CPEB4: variants seen among roughly 807,000 people sequenced by gnomAD.
The protein encoded by CPEB4 is cytoplasmic polyadenylation element-binding protein 4.
A neutral mutation model predicts 72.5 loss-of-function variants in CPEB4; 12 were observed. That is an observed-to-expected ratio of 0.17 (90% CI 0.11 to 0.27). The LOEUF is 0.27. Among genes scored for constraint, CPEB4 ranks in the 10% least tolerant of loss-of-function variants. The pLI, the probability that CPEB4 is intolerant of heterozygous loss-of-function variation, is 1.00. For synonymous variants in CPEB4, 302 were observed against 326.3 expected (o/e 0.93, Z 0.80); for missense variants, 614 against 908.5 (o/e 0.68, Z 4.17).
chr5:173,914,871 C>T (rs548210476), intron 2 of CPEB4, among the ~76,000 whole-genome samples: 2 of 152,230 alleles, frequency 1.3e-5, no homozygotes, highest in Admixed American at 6.5e-5. Flanking sequence ...AATTCAAAGA[C>T]AACTTTAATA....
intron 2 of CPEB4, among the ~76,000 whole-genome samples, chr5:173,924,558 A>G (rs1757179029): frequency 6.6e-6 from 1 of 152,206 alleles, no homozygotes; most frequent in South Asian, 2.1e-4. Flanking sequence ...TTACTGGGGA[A>G]GGGAAAGGAA....
chr5:173,907,398 C>G (rs4867732), intron 1 of CPEB4, among the ~76,000 whole-genome samples: 13,872 of 152,262 alleles, frequency 0.091, 1,673 homozygotes, highest in East Asian at 0.52. Flanking sequence ...CAAAACCAGT[C>G]TATATTTTTT....
chr5:173,951,959 A>C, intron 8 of CPEB4, 21 bp downstream of exon 8: 1 of 1,447,426 alleles, frequency 6.9e-7, no homozygotes, highest in Non-Finnish European at 9.7e-7. Flanking sequence ...ACAAACGACA[A>C]ACTCTCTACC....
chr5:173,907,868 C>T (rs767071781), intron 1 of CPEB4, among the ~76,000 whole-genome samples: 16 of 152,188 alleles, frequency 1.1e-4, no homozygotes, highest in African/African-American at 2.7e-4. Context: ...ACTGACTTGG[C>T]GCACCATCAC....
chr5:173,961,655 C>A lies in CPEB4; in HGVS notation c.*5518C>A, dbSNP rs1758553992. ...CTTAACAATCAAGTCATTTCATAAC[C>A]CCTTTTGGTAATGGGTGTTTGTGTC... is the stretch of plus-strand genomic sequence containing the variant. On this transcript the variant is annotated 3_prime_UTR_variant, in exon 10 of 10. Transcript: ENST00000265085. The A allele has an allele frequency of 6.6e-6, 1 of 151,532 alleles. No individual in the cohort carries two copies. The highest frequency in any genetic ancestry group is 2.4e-5 in the African/African-American group (1 of 41,300). The allele number at this position is 151,532 out of a possible 1,614,324, so 9.4% of individuals were successfully genotyped here. A position where few individuals can be genotyped will look rare whatever the true frequency, so the allele number is the denominator to read the frequency against.
At position 173,955,132 on chromosome 5, in the gene CPEB4, A is replaced by T. The variant is rs1758337112; in HGVS notation, c.1963-778A>T. On this transcript the variant is annotated intron_variant, in intron 9 of 9. Coordinates refer to ENST00000265085, the MANE Select transcript of CPEB4 (RefSeq NM_030627.4). This position sits in a 1 kb window ranked among gnomAD's most constrained non-coding sequence, Gnocchi z 4.7. The stretch of plus-strand genomic sequence containing the variant: ...GAGTTTCAGCCATGAATCTCTCCAG[A>T]CTAAAAATAACCAGCTCTTTTCTAG... Among the ~76,000 whole-genome samples, 1 of 152,144 alleles carries T rather than the reference A, an allele frequency of 6.6e-6. No individual in the cohort carries two copies. The highest frequency in any genetic ancestry group is 1.5e-5 in the Non-Finnish European group (1 of 68,034).
chr5:173,944,941 C>G (rs77921811), intron 4 of CPEB4, 26 bp from the exon 5 acceptor site: 2 of 1,577,882 alleles, frequency 1.3e-6, no homozygotes, highest in East Asian at 2.3e-5. Flanking sequence ...TTTCTGTTAC[C>G]GTTTTTTCCC....
At chr5:173,940,455 A>G (rs570147442) in intron 3 of CPEB4, among the ~76,000 whole-genome samples, 7 of 152,368 alleles carry the variant, frequency 4.6e-5, no homozygotes, top group Middle Eastern at 3.4e-3. Flanking sequence ...GAGAAGTTCT[A>G]TGTTGCAAGA....
rs141144812 is a variant in CPEB4, at chr5:173,914,228, T to C, written c.1207+3624T>C. On this transcript the variant is annotated intron_variant, in intron 2 of 9. Coordinates refer to ENST00000265085, the MANE Select transcript of CPEB4 (RefSeq NM_030627.4). ...TTGCTCAGGGTAACATTTTATTTCT[T>C]GTCAAACTATCTTCTGATTTAGATA... Among the ~76,000 whole-genome samples the C allele has an allele frequency of 5.4e-4, 83 of 152,346 alleles. 1 individual carries two copies. Among genetic ancestry groups the C allele is most frequent in the African/African-American group, 1.9e-3 (79 of 41,584 alleles).
intron 1 of CPEB4, among the ~76,000 whole-genome samples, chr5:173,903,593 G>A (rs1052034216): frequency 3.3e-5 from 5 of 152,138 alleles, no homozygotes; most frequent in South Asian, 2.1e-4. Context: ...TGATTCTGAC[G>A]TACTCTCAAG....
At position 173,958,227 on chromosome 5, in the gene CPEB4, T is replaced by C. The variant is rs1758439877; in HGVS notation, c.*2090T>C. ...CCTGCTGAATTTCGGTACAGTGTTT[T>C]TGTAGCTAACTTATTTTGTCATGCA... On this transcript the variant is annotated 3_prime_UTR_variant, in exon 10 of 10. Coordinates refer to ENST00000265085, the MANE Select transcript of CPEB4 (RefSeq NM_030627.4). 1 of 152,796 alleles carries C rather than the reference T, an allele frequency of 6.5e-6. No individual in the cohort carries two copies. The highest frequency in any genetic ancestry group is 1.9e-4 in the East Asian group (1 of 5,342). 9.5% of individuals were successfully genotyped at this position (152,796 alleles called of 1,614,324 possible).
chr5:173,919,499 A>G (rs1757000034), intron 2 of CPEB4, among the ~76,000 whole-genome samples: 3 of 152,332 alleles, frequency 2.0e-5, no homozygotes, highest in South Asian at 2.1e-4. Flanking sequence ...TAATAGTGTC[A>G]CTTGGTTTTT....
chr5:173,894,258 A>G (rs1361597119), intron 1 of CPEB4, among the ~76,000 whole-genome samples: 1 of 152,088 alleles, frequency 6.6e-6, no homozygotes, highest in African/African-American at 2.4e-5. Flanking sequence ...CTGAGATTGC[A>G]GGTGTGAGCC....
intron 1 of CPEB4, among the ~76,000 whole-genome samples, chr5:173,904,833 C>T (rs1180792979): frequency 2.0e-5 from 3 of 151,860 alleles, no homozygotes; most frequent in East Asian, 1.9e-4. Flanking sequence ...AGGCTGGGTA[C>T]AGTAGCTCAT....
At chr5:173,914,295 T>A (rs1353676930) in intron 2 of CPEB4, among the ~76,000 whole-genome samples, 1 of 152,340 alleles carries the variant, frequency 6.6e-6, no homozygotes, top group South Asian at 2.1e-4. Flanking sequence ...CAGTGGTTCA[T>A]TCTATTGTGA....
intron 2 of CPEB4, among the ~76,000 whole-genome samples, chr5:173,929,011 T>C (rs1757345841): frequency 6.6e-6 from 1 of 152,210 alleles, no homozygotes; most frequent in South Asian, 2.1e-4. Context: ...CCACAATTGA[T>C]TCTAACCTGA....
chr5:173,942,300 T>G (rs1424064944), intron 3 of CPEB4, among the ~76,000 whole-genome samples: 1 of 152,268 alleles, frequency 6.6e-6, no homozygotes, highest in East Asian at 1.9e-4. Context: ...GCTGGGCTTA[T>G]AAGTGCCAGT....
At position 173,890,095 on chromosome 5, in the gene CPEB4, A is replaced by G. The variant is rs772583984; in HGVS notation, c.362A>G (p.Asp121Gly). Residue 121 changes from aspartate to glycine, a missense_variant, in exon 1 of 10, where the codon GAC becomes GGC. This residue lies in a region of CPEB4 where 458 missense variants were observed against 548.6 expected (regional missense o/e 0.83). Coordinates refer to ENST00000265085, the MANE Select transcript of CPEB4 (RefSeq NM_030627.4). ...EKAKSEENQG[D>G]NSSENGNGKE... is the part of the protein sequence containing the mutation. The stretch of plus-strand genomic sequence containing the variant: ...GCAAAATCAGAAGAAAATCAAGGGG[A>G]CAATTCTTCGGAAAATGGCAATGGG... 2 of 1,614,052 alleles carry G rather than the reference A, an allele frequency of 1.2e-6. No individual in the cohort carries two copies. Among genetic ancestry groups the G allele is most frequent in the African/African-American group, 2.7e-5 (2 of 74,940 alleles).
At chr5:173,943,272 G>A (rs1757910830) in intron 4 of CPEB4, among the ~76,000 whole-genome samples, 1 of 152,028 alleles carries the variant, frequency 6.6e-6, no homozygotes, top group Non-Finnish European at 1.5e-5. Flanking sequence ...GAATCAAAAT[G>A]ATTTCCCTGT....
Sources: allele counts gnomAD v4.1 joint callset (sites outside exome capture counted in the v4.1 genomes callset), GRCh38; gene constraint gnomAD v4.1.1; regional missense constraint gnomAD v4.1.1; non-coding constraint Gnocchi (gnomAD v3.1); transcripts MANE v1.5; gene names NCBI Gene and HGNC (gene_info 2026-07-23, HGNC 2026-07-21).